SLC16A7: variants seen among roughly 807,000 people sequenced by gnomAD.
SLC16A7 encodes the protein monocarboxylate transporter 2.
In SLC16A7, 33 loss-of-function variants were observed where a neutral mutation model predicts 34.9. The ratio of observed to expected loss-of-function variants is 0.94; its 90% CI spans 0.72 to 1.26. The LOEUF (loss-of-function observed/expected upper bound fraction) is 1.26. SLC16A7 is among the 50% of genes most tolerant of loss of function. SLC16A7 has a pLI of 0.00. For missense variants in SLC16A7, 573 were observed against 578.1 expected, an observed-to-expected ratio of 0.99 and a Z score of 0.09; for synonymous variants, 201 against 206.6, an observed-to-expected ratio of 0.97 and a Z score of 0.23.
At chr12:59,648,755 T>C (rs1465444973) in intron 1 of SLC16A7, among the ~76,000 whole-genome samples, 2 of 152,118 alleles carry the variant, frequency 1.3e-5, no homozygotes, top group Non-Finnish European at 2.9e-5. Context: ...AATTGGTAAG[T>C]AGAACATCAA....
At chr12:59,655,528 AAGT>A (rs1425578013) in intron 2 of SLC16A7, among the ~76,000 whole-genome samples, 1 of 151,890 alleles carries the variant, frequency 6.6e-6, no homozygotes, top group Non-Finnish European at 1.5e-5. Context: ...AATGATTATA[AAGT>A]AGTAAATGAT....
chr12:59,717,784 T>C (rs993527816), intron 3 of SLC16A7, among the ~76,000 whole-genome samples: 2 of 152,226 alleles, frequency 1.3e-5, no homozygotes, highest in Non-Finnish European at 2.9e-5. Flanking sequence ...CTTCATATTT[T>C]AAGTTTATAT....
At chr12:59,746,282 A>C (rs1336290868) in intron 3 of SLC16A7, among the ~76,000 whole-genome samples, 1 of 152,250 alleles carries the variant, frequency 6.6e-6, no homozygotes, top group African/African-American at 2.4e-5. Context: ...TTCAGGCTTG[A>C]TTGAATGGAT....
chr12:59,674,983 T>G (rs191251762), intron 2 of SLC16A7, among the ~76,000 whole-genome samples: 18 of 152,264 alleles, frequency 1.2e-4, no homozygotes, highest in African/African-American at 4.3e-4. Flanking sequence ...GTAGGTCTGA[T>G]CCTCAGCTCT....
intron 3 of SLC16A7, among the ~76,000 whole-genome samples, chr12:59,725,182 T>C (rs1047975534): frequency 2.6e-5 from 4 of 152,114 alleles, no homozygotes; most frequent in Admixed American, 6.6e-5. Flanking sequence ...TCTACAGGTA[T>C]GGTTTGTCGT....
At chr12:59,745,438 T>C (rs962365231) in intron 3 of SLC16A7, among the ~76,000 whole-genome samples, 2 of 152,196 alleles carry the variant, frequency 1.3e-5, no homozygotes, top group African/African-American at 4.8e-5. Context: ...ATAATTGCCC[T>C]ATGAATTGAT....
intron 3 of SLC16A7, among the ~76,000 whole-genome samples, chr12:59,720,436 C>A (rs185148184): frequency 6.6e-6 from 1 of 152,134 alleles, no homozygotes; most frequent in African/African-American, 2.4e-5. Context: ...TGAACAAAAG[C>A]ATATATTTGA....
chr12:59,735,674 G>T (rs1877505350), intron 3 of SLC16A7, among the ~76,000 whole-genome samples: 1 of 151,946 alleles, frequency 6.6e-6, no homozygotes, highest in Admixed American at 6.5e-5. Context: ...GGTAACTGTG[G>T]GGTATTTTTA....
chr12:59,660,409 C>G (rs1025474506), intron 2 of SLC16A7, among the ~76,000 whole-genome samples: 1 of 152,004 alleles, frequency 6.6e-6, no homozygotes, highest in South Asian at 2.1e-4. Context: ...CTTCTATAAA[C>G]TGTCTTTGCC....
intron 1 of SLC16A7, among the ~76,000 whole-genome samples, chr12:59,618,979 C>T: frequency 6.6e-6 from 1 of 151,946 alleles, no homozygotes; most frequent in Admixed American, 6.6e-5. Flanking sequence ...ATTTGCAACA[C>T]CTGATTATAA....
chr12:59,708,615 T>G (rs1375324982), intron 3 of SLC16A7, among the ~76,000 whole-genome samples: 1 of 152,106 alleles, frequency 6.6e-6, no homozygotes, highest in African/African-American at 2.4e-5. Context: ...TGCATTAGCC[T>G]AGAGAACACC....
chr12:59,735,109 G>C (rs539051083), intron 3 of SLC16A7, among the ~76,000 whole-genome samples: 1 of 152,302 alleles, frequency 6.6e-6, no homozygotes, highest in South Asian at 2.1e-4. Flanking sequence ...TTTAGGTGCT[G>C]AACGGCTAAG....
At position 59,683,173 on chromosome 12, in the gene SLC16A7, A is replaced by G. The variant is rs910474976; in HGVS notation, c.-30-21599A>G. Among the ~76,000 whole-genome samples, 7 of 152,232 alleles carry G rather than the reference A, an allele frequency of 4.6e-5. No individual in the cohort carries two copies. In the East Asian group the frequency reaches 1.3e-3, roughly 29 times the overall value. ...AATCTACCAATCATTTCCATGTAATACCTGTCAACATCCTGTGAGACTGGT... is the reference window on the plus strand; with the variant it reads ...AATCTACCAATCATTTCCATGTAATGCCTGTCAACATCCTGTGAGACTGGT... On this transcript the variant is annotated intron_variant, in intron 2 of 5. Coordinates refer to ENST00000547379, the MANE Select transcript of SLC16A7 (RefSeq NM_001270623.2).
intron 3 of SLC16A7, among the ~76,000 whole-genome samples, chr12:59,749,623 A>G (rs35203350): frequency 0.076 from 11,625 of 152,266 alleles, 537 homozygotes; most frequent in South Asian, 0.17. Context: ...AGTATCATGG[A>G]TGTTTGGAAG....
rs969544445 is a variant in SLC16A7 at position 59,744,466 on chromosome 12, C to G, written c.218-26753C>G. 2.6e-5 allele frequency among the ~76,000 whole-genome samples: 4 copies of G among 152,260 alleles called. No individual in the cohort carries two copies. The East Asian group carries it at 7.8e-4, about 30-fold the overall frequency. On this transcript the variant is annotated intron_variant, in intron 3 of 5. Transcript: ENST00000547379. The stretch of plus-strand genomic sequence containing the variant: ...CCAGTTCCATTCCCTTTGCAGCTCC[C>G]CTTCCTGCTGAAAGCCACTTTCATT...
At chr12:59,669,085 C>T (rs895779752) in intron 2 of SLC16A7, among the ~76,000 whole-genome samples, 4 of 152,084 alleles carry the variant, frequency 2.6e-5, no homozygotes, top group Non-Finnish European at 5.9e-5. Flanking sequence ...AGTGTGAGAA[C>T]GGACTAATAC....
At chr12:59,750,524 C>T (rs1879401306) in intron 3 of SLC16A7, among the ~76,000 whole-genome samples, 2 of 152,134 alleles carry the variant, frequency 1.3e-5, no homozygotes, top group African/African-American at 4.8e-5. Context: ...CATCTCATGC[C>T]AGTTAGAATG....
chr12:59,730,223 AAC>A (rs1426347223), intron 3 of SLC16A7, among the ~76,000 whole-genome samples: 2 of 142,670 alleles, frequency 1.4e-5, no homozygotes, highest in African/African-American at 5.4e-5. Flanking sequence ...AAAAAAAAAA[AAC>A]ACTTCTGACT....
At chr12:59,636,268 A>G (rs1256903261) in intron 1 of SLC16A7, among the ~76,000 whole-genome samples, 1 of 152,126 alleles carries the variant, frequency 6.6e-6, no homozygotes. Flanking sequence ...TAATGTCAAG[A>G]AACAATCAAA....
Sources: gnomAD v4.1 joint callset for allele counts (sites outside exome capture counted in the v4.1 genomes callset) on GRCh38, gnomAD v4.1.1 for gene constraint, MANE v1.5 for transcripts, NCBI Gene and HGNC (gene_info 2026-07-23, HGNC 2026-07-21) for gene names.